The following RAD51B variants were observed in gnomAD, a reference collection of about 807,000 sequenced individuals.
The protein encoded by RAD51B is DNA repair protein RAD51 homolog 2.
In RAD51B, 38 loss-of-function variants were observed where a neutral mutation model predicts 42.2. The ratio of observed to expected loss-of-function variants is 0.90; its 90% CI spans 0.70 to 1.18. RAD51B has a LOEUF of 1.18. Ranked by LOEUF, RAD51B falls within the 50% of genes most tolerant of loss-of-function variation. The pLI, the probability that RAD51B is intolerant of heterozygous loss-of-function variation, is 0.00. For missense variants in RAD51B, 373 were observed against 400.7 expected, an observed-to-expected ratio of 0.93 and a Z score of 0.59; for synonymous variants, 154 against 145.2, an observed-to-expected ratio of 1.06 and a Z score of -0.43.
chr14:68,085,997 C>T lies in RAD51B; in HGVS notation c.756+198793C>T, dbSNP rs574127946. Among the ~76,000 whole-genome samples the T allele has an allele frequency of 7.0e-4, 107 of 152,272 alleles. No individual in the cohort carries two copies. In the Middle Eastern group the frequency reaches 0.01, roughly 15 times the overall value. On this transcript the variant is annotated intron_variant, in intron 7 of 10. Transcript: ENST00000471583. ...CTCTTTTAGTTTTGCCGTCTGTAGGCGGCTTCTGTTAGCTCAGTTAGACTC... is the reference window on the plus strand; with the variant it reads ...CTCTTTTAGTTTTGCCGTCTGTAGGTGGCTTCTGTTAGCTCAGTTAGACTC...
chr14:68,132,226 G>C (rs546500704), intron 7 of RAD51B, among the ~76,000 whole-genome samples: 113 of 152,310 alleles, frequency 7.4e-4, no homozygotes, highest in African/African-American at 2.4e-3. Flanking sequence ...ATCCCATTAG[G>C]CTGCATTCAG....
intron 10 of RAD51B, chr14:68,563,061 G>T (rs2140022853): frequency 1.0e-6 from 1 of 985,494 alleles, no homozygotes; most frequent in South Asian, 4.7e-5. Flanking sequence ...CTAGCCAGTG[G>T]GAGGGCAGAG....
At chr14:68,090,517 G>A (rs920960652) in intron 7 of RAD51B, among the ~76,000 whole-genome samples, 17 of 151,982 alleles carry the variant, frequency 1.1e-4, no homozygotes, top group Admixed American at 9.2e-4. Flanking sequence ...TTTAAGAAAA[G>A]TTCACTTTGA....
intron 8 of RAD51B, among the ~76,000 whole-genome samples, chr14:68,306,276 A>G (rs1447125082): frequency 6.6e-6 from 1 of 152,178 alleles, no homozygotes; most frequent in Non-Finnish European, 1.5e-5. Context: ...GCAATTCACA[A>G]GTACTTTCTG....
chr14:67,970,237 A>G (rs1057324203), intron 7 of RAD51B, among the ~76,000 whole-genome samples: 8 of 152,196 alleles, frequency 5.3e-5, no homozygotes, highest in African/African-American at 1.9e-4. Context: ...AATTAATGGT[A>G]GCAGTAGGGT....
chr14:68,320,253 C>T (rs776506439), intron 8 of RAD51B, among the ~76,000 whole-genome samples: 10 of 152,194 alleles, frequency 6.6e-5, no homozygotes, highest in Non-Finnish European at 8.8e-5. Flanking sequence ...ATGCAATAGA[C>T]GCAGAAATCT....
At chr14:67,935,003 T>C (rs2044884935) in intron 7 of RAD51B, among the ~76,000 whole-genome samples, 1 of 152,238 alleles carries the variant, frequency 6.6e-6, no homozygotes, top group East Asian at 1.9e-4. Flanking sequence ...TTACGAGGCA[T>C]TTGTGTTTCT....
chr14:68,069,138 AT>A (rs1376982638), intron 7 of RAD51B, among the ~76,000 whole-genome samples: 3 of 152,110 alleles, frequency 2.0e-5, no homozygotes, highest in Non-Finnish European at 4.4e-5. Context: ...ATTGATGAGA[AT>A]TGCTCTTTCT....
intron 7 of RAD51B, among the ~76,000 whole-genome samples, chr14:68,138,569 GTC>G (rs1286423600): frequency 6.6e-6 from 1 of 151,914 alleles, no homozygotes; most frequent in African/African-American, 2.4e-5. Flanking sequence ...CTCTGTATCT[GTC>G]TCTCTCTCTG....
At chr14:68,505,805 G>A (rs928653890) in intron 10 of RAD51B, among the ~76,000 whole-genome samples, 3 of 152,072 alleles carry the variant, frequency 2.0e-5, no homozygotes, top group East Asian at 1.9e-4. Flanking sequence ...CGCCCGCCTC[G>A]GCCTCCCAAA....
At chr14:67,840,718 A>C (rs1054139523) in intron 4 of RAD51B, among the ~76,000 whole-genome samples, 1 of 152,082 alleles carries the variant, frequency 6.6e-6, no homozygotes, top group African/African-American at 2.4e-5. Context: ...ACTCCTTTGC[A>C]CAGTGATTGA....
intron 7 of RAD51B, among the ~76,000 whole-genome samples, chr14:68,060,620 A>G (rs2076552411): frequency 6.6e-6 from 1 of 152,348 alleles, no homozygotes; most frequent in East Asian, 1.9e-4. Context: ...ATTTTCGTCC[A>G]ACTTTCCAAT....
intron 5 of RAD51B, among the ~76,000 whole-genome samples, chr14:67,869,644 C>T (rs1249292872): frequency 6.6e-6 from 1 of 152,164 alleles, no homozygotes; most frequent in African/African-American, 2.4e-5. Flanking sequence ...TCAGATTCAC[C>T]AAAGTTGAAA....
chr14:67,919,786 C>T (rs1470179533), intron 7 of RAD51B, among the ~76,000 whole-genome samples: 5 of 152,112 alleles, frequency 3.3e-5, no homozygotes, highest in Admixed American at 1.3e-4. Flanking sequence ...GGAAAAAATA[C>T]TTTTTCTCCC....
At position 68,234,955 on chromosome 14, in the gene RAD51B, A is replaced by G. The variant is rs551597069; in HGVS notation, c.757-56929A>G. ...TAAATCAAGCACAAGAGAAAATGAT[A>G]TACAATCAAGAGGTAAACAGGAGAT... On this transcript the variant is annotated intron_variant, in intron 7 of 10. Transcript: ENST00000471583. 5.3e-5 allele frequency among the ~76,000 whole-genome samples: 8 copies of G among 152,326 alleles called. No homozygotes were observed. In the East Asian group the frequency reaches 1.5e-3, roughly 29 times the overall value.
At chr14:68,453,718 T>A (rs2140192874) in intron 9 of RAD51B, among the ~76,000 whole-genome samples, 1 of 152,336 alleles carries the variant, frequency 6.6e-6, no homozygotes, top group South Asian at 2.1e-4. Context: ...AAGAGATTTT[T>A]ATAAATATCA....
intron 8 of RAD51B, among the ~76,000 whole-genome samples, chr14:68,324,232 G>A (rs2082208001): frequency 6.6e-6 from 1 of 152,138 alleles, no homozygotes; most frequent in Non-Finnish European, 1.5e-5. Context: ...GTGTTAGAAT[G>A]GACCATTTGA....
intron 7 of RAD51B, among the ~76,000 whole-genome samples, chr14:68,184,179 A>G (rs1202337830): frequency 1.3e-5 from 2 of 151,600 alleles, no homozygotes; most frequent in Non-Finnish European, 2.9e-5. Context: ...GCTACTTGGG[A>G]GGCTGATGTG....
At chr14:68,262,279 G>A (rs372752368) in intron 7 of RAD51B, among the ~76,000 whole-genome samples, 2 of 152,100 alleles carry the variant, frequency 1.3e-5, no homozygotes, top group African/African-American at 4.8e-5. Flanking sequence ...TTTTGTGGCT[G>A]GGGCAGTATC....
Sources: gnomAD v4.1 joint callset for allele counts (sites outside exome capture counted in the v4.1 genomes callset) on GRCh38, gnomAD v4.1.1 for gene constraint, MANE v1.5 for transcripts, NCBI Gene and HGNC (gene_info 2026-07-23, HGNC 2026-07-21) for gene names.